Variants in EPHB2 observed in about 807,000 individuals in gnomAD.
The protein encoded by EPHB2 is EPH receptor B2, also known as ephrin type-B receptor 2.
A neutral mutation model predicts 96.4 loss-of-function variants in EPHB2; 18 were observed. That is an observed-to-expected ratio of 0.19 (90% confidence interval 0.13 to 0.28). The LOEUF (loss-of-function observed/expected upper bound fraction) is 0.28, where lower values mean the gene tolerates loss of function less well. Among genes scored for constraint, EPHB2 ranks in the 10% least tolerant of loss-of-function variants. The probability of loss-of-function intolerance (pLI) is 1.00; values close to 1 mark genes in which losing one functional copy is unlikely to be tolerated. For missense variants in EPHB2, 989 were observed against 1,355.4 expected, an observed-to-expected ratio of 0.73 and a Z score of 4.25; for synonymous variants, 506 against 534.1, an observed-to-expected ratio of 0.95 and a Z score of 0.72.
intron 1 of EPHB2, among the ~76,000 whole-genome samples, chr1:22,728,847 G>T (rs1445835635): frequency 6.6e-6 from 1 of 152,168 alleles, no homozygotes; most frequent in Non-Finnish European, 1.5e-5. Flanking sequence ...TGCTTCCTTA[G>T]GGGCCCTGAA....
intron 3 of EPHB2, among the ~76,000 whole-genome samples, chr1:22,851,156 A>G (rs1034391567): frequency 6.6e-6 from 1 of 152,000 alleles, no homozygotes; most frequent in Non-Finnish European, 1.5e-5. Flanking sequence ...CACCACGCCC[A>G]GCTCATTTTT....
At position 22,920,719 on chromosome 1, in the gene EPHB2, C is replaced by T. The variant is rs1375052446; in HGVS notation, c.*7149C>T. 6.6e-6 allele frequency: 1 copy of T among 152,204 alleles called. No individual in the cohort carries two copies. The highest frequency in any genetic ancestry group is 1.9e-4 in the East Asian group (1 of 5,174). 9.4% of individuals were successfully genotyped at this position (152,204 alleles called of 1,614,324 possible). ...CATAGGCCAGGCAGGGACATTCACT[C>T]ACAACCAGCCTTTTTGGACTCTAGA... On this transcript the variant is annotated 3_prime_UTR_variant, in exon 16 of 16. Coordinates refer to ENST00000374630, the MANE Select transcript of EPHB2 (RefSeq NM_017449.5).
In EPHB2 at chr1:22,784,919, G is replaced by C. The variant is rs149351655; in HGVS notation, c.654G>C (p.Ser218=). The change falls in exon 3 of 16, where the codon TCG becomes TCC. Residue 218 remains serine, a synonymous_variant. Coordinates refer to ENST00000374630, the MANE Select transcript of EPHB2 (RefSeq NM_017449.5). This position sits in a 1 kb window ranked among gnomAD's most constrained non-coding sequence, Gnocchi z 5.1. Reference sequence around the variant, plus strand: ...CCCTGTCGGGGGCTGAGAGCACATCGCTGGTGGCTGCCCGGGGCAGCTGCA... The same window carrying C: ...CCCTGTCGGGGGCTGAGAGCACATCCCTGGTGGCTGCCCGGGGCAGCTGCA... The part of the protein sequence containing the change: ...QETLSGAEST[S]LVAARGSCIA... 3 of 1,613,842 alleles carry C rather than the reference G, an allele frequency of 1.9e-6. No homozygotes were observed. The highest frequency in any genetic ancestry group is 2.5e-6 in the Non-Finnish European group (3 of 1,180,062).
chr1:22,817,720 G>A (rs914787279), intron 3 of EPHB2, among the ~76,000 whole-genome samples: 7 of 152,194 alleles, frequency 4.6e-5, no homozygotes, highest in Admixed American at 2.0e-4. Context: ...CTAAAGGCGA[G>A]CCTGGTCCCC....
intron 11 of EPHB2, among the ~76,000 whole-genome samples, chr1:22,907,546 C>G (rs575577800): frequency 6.6e-6 from 1 of 152,338 alleles, no homozygotes; most frequent in East Asian, 1.9e-4. Context: ...AGCTGCCATT[C>G]AGTAAATATT....
At chr1:22,877,913 G>A (rs1346863176) in intron 5 of EPHB2, among the ~76,000 whole-genome samples, 1 of 152,232 alleles carries the variant, frequency 6.6e-6, no homozygotes, top group African/African-American at 2.4e-5. Flanking sequence ...TCTCAGTGGG[G>A]GGTGTTGTGG....
chr1:22,765,820 T>C (rs1288594249), intron 1 of EPHB2, among the ~76,000 whole-genome samples: 1 of 152,048 alleles, frequency 6.6e-6, no homozygotes, highest in Non-Finnish European at 1.5e-5. Context: ...TCACAACCTT[T>C]GTGGGACTGA....
chr1:22,864,738 T>A (rs1570407129), intron 4 of EPHB2, 139 bp from the exon 5 acceptor site: 2 of 610,838 alleles, frequency 3.3e-6, no homozygotes, highest in East Asian at 5.6e-5. Flanking sequence ...TAGAAACATT[T>A]CTCTGGTGGG....
intron 9 of EPHB2, 99 bp from the exon 10 acceptor site, chr1:22,905,888 G>C: frequency 9.4e-6 from 15 of 1,590,842 alleles, no homozygotes; most frequent in Non-Finnish European, 1.3e-5. Context: ...GGGGCCACAT[G>C]GGAGTGGATT....
Position 22,784,812 on chromosome 1 carries a change from G to A in EPHB2, c.547G>A (p.Gly183Ser), listed in dbSNP as rs752597558. 69 of 1,602,480 alleles carry A rather than the reference G, an allele frequency of 4.3e-5. No individual in the cohort carries two copies. The highest frequency in any genetic ancestry group is 1.5e-4 in the South Asian group (13 of 89,654). Residue 183 changes from glycine (G) to serine (S), a missense_variant, in exon 3 of 16, where the codon GGC (glycine) becomes AGC (serine). Gly to Ser is a moderately conservative substitution (Grantham distance 56). Transcript: ENST00000374630. The surrounding 1 kb of genome is among the most constrained non-coding windows in gnomAD (Gnocchi z 5.1). ...CTACCTGGCCTTCCAGGACTATGGC[G>A]GCTGCATGTCCCTCATCGCCGTGCG... is the stretch of plus-strand genomic sequence containing the variant. ...GFYLAFQDYG[G>S]CMSLIAVRVF...
At chr1:22,910,074 G>A (rs1442470913) in intron 13 of EPHB2, among the ~76,000 whole-genome samples, 1 of 152,180 alleles carries the variant, frequency 6.6e-6, no homozygotes. Context: ...CAGGATGGGA[G>A]GAGCTGGTGG....
intron 9 of EPHB2, among the ~76,000 whole-genome samples, chr1:22,902,976 A>G (rs1431584664): frequency 6.6e-6 from 1 of 152,258 alleles, no homozygotes; most frequent in East Asian, 1.9e-4. Context: ...CATGAACAAA[A>G]GCATGGAGGC....
At chr1:22,778,082 A>G (rs527310017) in intron 1 of EPHB2, among the ~76,000 whole-genome samples, 203 of 152,166 alleles carry the variant, frequency 1.3e-3, no homozygotes, top group Non-Finnish European at 1.1e-3. Context: ...CTGGCGTGCA[A>G]TGGTGCAATC....
intron 1 of EPHB2, among the ~76,000 whole-genome samples, chr1:22,719,880 C>T (rs1007700600): frequency 6.6e-6 from 1 of 152,204 alleles, no homozygotes; most frequent in Non-Finnish European, 1.5e-5. Context: ...AACCTACTGG[C>T]TTAAAACAAT....
intron 3 of EPHB2, among the ~76,000 whole-genome samples, chr1:22,819,870 C>A (rs1031153422): frequency 6.6e-6 from 1 of 151,822 alleles, no homozygotes; most frequent in Non-Finnish European, 1.5e-5. Context: ...TTAACCACCC[C>A]CTCAGGGCCA....
At chr1:22,910,614 C>A in intron 14 of EPHB2, 39 bp downstream of exon 14, 1 of 1,576,296 alleles carries the variant, frequency 6.3e-7, no homozygotes, top group Non-Finnish European at 8.5e-7. Context: ...CCAGGCCCTG[C>A]CCCTCTTCCC....
chr1:22,853,973 G>C (rs1397782357), intron 3 of EPHB2, among the ~76,000 whole-genome samples: 1 of 152,230 alleles, frequency 6.6e-6, no homozygotes, highest in Admixed American at 6.5e-5. Flanking sequence ...CTGCTGGCTG[G>C]GTTCCACAAA....
chr1:22,831,891 C>T (rs1201252000), intron 3 of EPHB2, among the ~76,000 whole-genome samples: 1 of 152,148 alleles, frequency 6.6e-6, no homozygotes, highest in Admixed American at 6.5e-5. Flanking sequence ...ATCCACCCCC[C>T]TACCTAGCCA....
chr1:22,804,341 C>T (rs575623593), intron 3 of EPHB2, among the ~76,000 whole-genome samples: 1 of 152,098 alleles, frequency 6.6e-6, no homozygotes, highest in Non-Finnish European at 1.5e-5. Context: ...TACCTAGTGC[C>T]TTTAAGGAAA....
Sources: gnomAD v4.1 joint callset for allele counts (sites outside exome capture counted in the v4.1 genomes callset) on GRCh38, gnomAD v4.1.1 for gene constraint, Gnocchi (gnomAD v3.1) non-coding constraint, MANE v1.5 for transcripts, NCBI Gene and HGNC (gene_info 2026-07-23, HGNC 2026-07-21) for gene names.